The following SEC24D variants were observed in gnomAD, a reference collection of about 807,000 sequenced individuals.
SEC24D encodes SEC24 homolog D, COPII component.
Under a neutral mutation model 116.9 loss-of-function variants are expected in SEC24D, and 69 were observed. That is an observed-to-expected ratio of 0.59 (90% CI 0.49 to 0.72). SEC24D has a LOEUF of 0.72. SEC24D is among the 30% of genes least tolerant of loss of function. The pLI is 0.00. For synonymous variants in SEC24D, 405 were observed against 442.8 expected (o/e 0.91, Z 1.07); for missense variants, 1,131 against 1,264.1 (o/e 0.89, Z 1.60).
chr4:118,738,216 A>C (rs761514920), intron 19 of SEC24D, 45 bp downstream of exon 19: 2 of 1,234,166 alleles, frequency 1.6e-6, no homozygotes, highest in Non-Finnish European at 2.4e-6. Context: ...AGAAATGAGT[A>C]GTCGTTTGTA....
At position 118,805,952 on chromosome 4, in the gene SEC24D, G is replaced by T. The variant is rs753840515; in HGVS notation, c.804C>A (p.Ile268=). The change falls in exon 7 of 23, where the codon ATC becomes ATA. Residue 268 remains isoleucine (I), a splice_region_variant and synonymous_variant. Transcript: ENST00000280551. Reference sequence around the variant, plus strand: ...TGGCTCTATCATTCTCAATCACCTGGATCTGATAAATAAGACATCAAGAGC... The same window carrying T: ...TGGCTCTATCATTCTCAATCACCTGTATCTGATAAATAAGACATCAAGAGC... ...KLDPDSIPSP[I]QVIENDRASR... is the part of the protein sequence containing the mutation. 1 of 1,592,332 alleles carries T rather than the reference G, an allele frequency of 6.3e-7. No individual in the cohort carries two copies. Among genetic ancestry groups the T allele is most frequent in the South Asian group, 1.2e-5 (1 of 86,894 alleles).
At chr4:118,757,953 T>C (rs1727191314) in intron 10 of SEC24D, 108 bp from the exon 11 acceptor site, 2 of 855,680 alleles carry the variant, frequency 2.3e-6, no homozygotes, top group East Asian at 2.7e-5. Context: ...ATTTAATATT[T>C]AGGATATACC....
At chr4:118,785,809 C>T (rs1473206912) in intron 8 of SEC24D, among the ~76,000 whole-genome samples, 2 of 152,056 alleles carry the variant, frequency 1.3e-5, no homozygotes, top group East Asian at 1.9e-4. Context: ...ATAGCTAGAA[C>T]CACTGAAGGG....
chr4:118,795,083 G>A (rs1293985180), intron 8 of SEC24D, among the ~76,000 whole-genome samples: 2 of 151,900 alleles, frequency 1.3e-5, no homozygotes, highest in Non-Finnish European at 1.5e-5. Flanking sequence ...TTCATTGTAT[G>A]CCCTTTTCAT....
chr4:118,834,620 T>C (rs1001648560), intron 1 of SEC24D, among the ~76,000 whole-genome samples: 1 of 152,212 alleles, frequency 6.6e-6, no homozygotes, highest in Non-Finnish European at 1.5e-5. Flanking sequence ...AGAAAATGCT[T>C]TGAATGCAAG....
At chr4:118,830,347 G>A (rs1020805376) in intron 2 of SEC24D, among the ~76,000 whole-genome samples, 2 of 152,200 alleles carry the variant, frequency 1.3e-5, no homozygotes, top group Non-Finnish European at 2.9e-5. Flanking sequence ...AGGATCACTT[G>A]AGCTGAGGAG....
chr4:118,810,671 T>A (rs1729886301), intron 6 of SEC24D, among the ~76,000 whole-genome samples: 1 of 152,226 alleles, frequency 6.6e-6, no homozygotes, highest in South Asian at 2.1e-4. Flanking sequence ...AGGTTTGGGC[T>A]GAGGCCTGAG....
chr4:118,821,680 C>T (rs1054171718), intron 3 of SEC24D, among the ~76,000 whole-genome samples: 2 of 152,136 alleles, frequency 1.3e-5, no homozygotes, highest in Non-Finnish European at 2.9e-5. Flanking sequence ...ACAAATGACA[C>T]AGATAAAATG....
At chr4:118,803,227 T>A (rs1161264479) in intron 7 of SEC24D, among the ~76,000 whole-genome samples, 1 of 152,212 alleles carries the variant, frequency 6.6e-6, no homozygotes, top group African/African-American at 2.4e-5. Context: ...CACTGAATTG[T>A]ATACTTAAAA....
chr4:118,740,589 T>C, intron 17 of SEC24D, 74 bp downstream of exon 17: 1 of 1,488,786 alleles, frequency 6.7e-7, no homozygotes, highest in Non-Finnish European at 9.2e-7. Context: ...CATTTGATGG[T>C]ATTTCAGTCT....
rs906894106 is a variant in SEC24D, at chr4:118,831,657, T to C, written c.118+1922A>G. Among the ~76,000 whole-genome samples, 2 of 152,062 alleles carry C rather than the reference T, an allele frequency of 1.3e-5. 1 individual carries two copies. The highest frequency in any genetic ancestry group is 4.8e-5 in the African/African-American group (2 of 41,396). ...CATCAGCTATTGTTAGTGTATTTTATGTGTGGCCCATGACAATTCTTCTCC... is the reference window on the plus strand; with the variant it reads ...CATCAGCTATTGTTAGTGTATTTTACGTGTGGCCCATGACAATTCTTCTCC... On this transcript the variant is annotated intron_variant, in intron 2 of 22. Transcript: ENST00000280551.
chr4:118,730,638 C>T (rs1725634353), intron 21 of SEC24D: 1 of 152,222 alleles, frequency 6.6e-6, no homozygotes, highest in Non-Finnish European at 1.5e-5. Context: ...CTACAAATAA[C>T]GTTTGCAATA....
At chr4:118,804,806 A>G (rs1387640480) in intron 7 of SEC24D, among the ~76,000 whole-genome samples, 1 of 151,904 alleles carries the variant, frequency 6.6e-6, no homozygotes, top group Admixed American at 6.6e-5. Flanking sequence ...AGTATCTACA[A>G]CACCTATAAT....
intron 15 of SEC24D, 67 bp downstream of exon 15, chr4:118,743,921 C>T: frequency 7.1e-7 from 1 of 1,414,814 alleles, no homozygotes; most frequent in East Asian, 2.4e-5. Flanking sequence ...CTTTTTAAAC[C>T]TATAATCTAA....
chr4:118,824,815 A>G, intron 2 of SEC24D, 66 bp from the exon 3 acceptor site: 1 of 1,428,078 alleles, frequency 7.0e-7, no homozygotes, highest in Non-Finnish European at 9.4e-7. Flanking sequence ...CAAAGTCATT[A>G]GGTTAAAAAT....
intron 1 of SEC24D, among the ~76,000 whole-genome samples, chr4:118,834,579 T>G (rs1177831298): frequency 6.6e-6 from 1 of 150,826 alleles, no homozygotes; most frequent in Admixed American, 6.6e-5. Flanking sequence ...TTCATAGGAC[T>G]GATGATTTAA....
chr4:118,780,234 A>G (rs1178403931), intron 8 of SEC24D, among the ~76,000 whole-genome samples: 3 of 152,150 alleles, frequency 2.0e-5, no homozygotes, highest in Non-Finnish European at 2.9e-5. Flanking sequence ...TCTTGTGGGC[A>G]TTTAGTGCTA....
chr4:118,820,154 T>C (rs1730334471), intron 3 of SEC24D, among the ~76,000 whole-genome samples: 1 of 151,820 alleles, frequency 6.6e-6, no homozygotes, highest in African/African-American at 2.4e-5. Context: ...TGAAAGAACA[T>C]CTTAAACATA....
At chr4:118,768,075 T>C (rs1230338996) in intron 9 of SEC24D, 98 bp downstream of exon 9, 5 of 1,016,286 alleles carry the variant, frequency 4.9e-6, no homozygotes, top group Non-Finnish European at 4.3e-6. Context: ...TACTGCTATA[T>C]AGCAGAAAAA....
Sources: gnomAD v4.1 joint callset for allele counts (sites outside exome capture counted in the v4.1 genomes callset) on GRCh38, gnomAD v4.1.1 for gene constraint, MANE v1.5 for transcripts, NCBI Gene and HGNC (gene_info 2026-07-23, HGNC 2026-07-21) for gene names.